Variants in TPO observed in about 807,000 individuals in gnomAD.
TPO encodes thyroid microsomal antigen.
In TPO, 78 loss-of-function variants were observed where a neutral mutation model predicts 96.9. That is an observed-to-expected ratio of 0.81 (90% confidence interval 0.67 to 0.97). The LOEUF (loss-of-function observed/expected upper bound fraction) is 0.97, where lower values mean the gene tolerates loss of function less well. TPO is among the 50% of genes least tolerant of loss of function. The pLI is 0.00. For synonymous variants in TPO, 547 were observed against 538.0 expected (o/e 1.02, Z -0.23); for missense variants, 1,252 against 1,274.8 (o/e 0.98, Z 0.27).
Position 1,540,525 on chromosome 2 carries a change from CGTGCT to C in TPO, c.2619-68_2619-64del, listed in dbSNP as rs1471810944. Reference sequence around the variant, plus strand: ...ACGGCTGCCTTGCCGTCGCTCGTGCCGTGCTCTCTACCCTCCACAGTCACGGTGCC... The same window carrying C: ...ACGGCTGCCTTGCCGTCGCTCGTGCCCTCTACCCTCCACAGTCACGGTGCC... On this transcript the variant is annotated intron_variant, in intron 15 of 16. Transcript: ENST00000329066. 6 of 1,603,966 alleles carry C rather than the reference CGTGCT, an allele frequency of 3.7e-6. No homozygotes were observed. The Admixed American group carries it at 8.3e-5, about 22-fold the overall frequency.
At chr2:1,542,152 C>A (rs1320678101) in intron 16 of TPO, 1 of 575,550 alleles carries the variant, frequency 1.7e-6, no homozygotes, top group African/African-American at 1.9e-5. Context: ...CGGCTTCTTC[C>A]TGAAGGACCC....
In TPO at chr2:1,534,144, TGCAACCTCCCAAATCCCCCCCAATGCGA is replaced by T. The variant is rs1379936653; in HGVS notation, c.2619-6430_2619-6403del. ...ACCTCCCCAAATCCCCCCAACTGTT[TGCAACCTCCCAAATCCCCCCCAATGCGA>T]GCAACCTCCCAAATCCCCCGTGTGC... On this transcript the variant is annotated intron_variant, in intron 15 of 16. Transcript: ENST00000329066. Among the ~76,000 whole-genome samples, 15 of 29,554 alleles carry T rather than the reference TGCAACCTCCCAAATCCCCCCCAATGCGA, an allele frequency of 5.1e-4. 1 individual carries two copies. The highest frequency in any genetic ancestry group is 9.2e-4 in the Non-Finnish European group (15 of 16,390). The allele number at this position is 29,554 out of a possible 152,430, so 19.4% of individuals were successfully genotyped here.
intron 7 of TPO, among the ~76,000 whole-genome samples, chr2:1,458,873 T>C (rs1668137883): frequency 6.6e-6 from 1 of 152,222 alleles, no homozygotes. Flanking sequence ...GAGCATGAGT[T>C]GCCTTCTGCT....
chr2:1,435,513 T>C (rs1012725438), intron 4 of TPO, among the ~76,000 whole-genome samples: 1 of 152,236 alleles, frequency 6.6e-6, no homozygotes, highest in Non-Finnish European at 1.5e-5. Flanking sequence ...TCAATTTCAC[T>C]GGTATCTTGT....
chr2:1,414,228 C>T (rs986542839), intron 1 of TPO, among the ~76,000 whole-genome samples, 180 bp from the exon 2 acceptor site: 1 of 152,150 alleles, frequency 6.6e-6, no homozygotes, highest in Non-Finnish European at 1.5e-5. Context: ...TTTCTGTAAC[C>T]TCCTGACATG....
At chr2:1,440,429 C>A (rs1006404613) in intron 5 of TPO, among the ~76,000 whole-genome samples, 1 of 152,206 alleles carries the variant, frequency 6.6e-6, no homozygotes, top group Admixed American at 6.5e-5. Flanking sequence ...GGACGTATCA[C>A]ATAAAATTAC....
chr2:1,442,475 A>G (rs191165119), intron 5 of TPO, among the ~76,000 whole-genome samples: 1 of 152,332 alleles, frequency 6.6e-6, no homozygotes, highest in East Asian at 1.9e-4. Context: ...AAATACAAAT[A>G]TATATTATAT....
At chr2:1,496,469 A>C (rs1028697835) in intron 12 of TPO, 126 bp from the exon 13 acceptor site, 18 of 1,383,580 alleles carry the variant, frequency 1.3e-5, no homozygotes, top group Admixed American at 1.9e-5. Flanking sequence ...GTGAGTGACC[A>C]CAGCAGGGCT....
chr2:1,448,114 ATTGGAGGCAGGGGCTGCTCC>A (rs1433573020), intron 5 of TPO, among the ~76,000 whole-genome samples: 2 of 152,142 alleles, frequency 1.3e-5, no homozygotes, highest in East Asian at 3.9e-4. Flanking sequence ...AGGAGCCGGG[ATTGGAGGCAGGGGCTGCTCC>A]TGCCTCCAGA....
At chr2:1,390,189 C>G (rs1661979690) in intron 1 of TPO, among the ~76,000 whole-genome samples, 1 of 152,024 alleles carries the variant, frequency 6.6e-6, no homozygotes, top group Non-Finnish European at 1.5e-5. Context: ...CTCTGACAGG[C>G]CCCGGTGTGC....
intron 5 of TPO, among the ~76,000 whole-genome samples, chr2:1,443,332 A>G (rs570737716): frequency 1.4e-3 from 215 of 150,454 alleles, no homozygotes; most frequent in Middle Eastern, 0.01. Flanking sequence ...TGACCCAGTC[A>G]TTGCTGCAGA....
intron 14 of TPO, 60 bp downstream of exon 14, chr2:1,504,139 A>G (rs991306190): frequency 4.4e-6 from 7 of 1,607,524 alleles, no homozygotes; most frequent in Non-Finnish European, 5.9e-6. Context: ...AAATGAAGAA[A>G]AGTGTGTTCA....
chr2:1,527,189 G>A (rs1676770480), intron 15 of TPO, among the ~76,000 whole-genome samples: 1 of 103,158 alleles, frequency 9.7e-6, no homozygotes, highest in Non-Finnish European at 1.8e-5. Flanking sequence ...CCCACTGTGT[G>A]CAACCGCCCC....
chr2:1,531,417 C>A (rs185948074), intron 15 of TPO, among the ~76,000 whole-genome samples: 1 of 35,034 alleles, frequency 2.9e-5, no homozygotes, highest in African/African-American at 4.5e-4. Context: ...TTCAACCTCC[C>A]CAAATCCCTC....
At chr2:1,475,387 G>GCCT (rs1484233006) in intron 7 of TPO, among the ~76,000 whole-genome samples, 1 of 151,110 alleles carries the variant, frequency 6.6e-6, no homozygotes, top group Admixed American at 6.6e-5. Flanking sequence ...AGCCTCGCAG[G>GCCT]CCTCCCTGAG....
At chr2:1,536,085 G>A (rs1317216525) in intron 15 of TPO, among the ~76,000 whole-genome samples, 1 of 25,708 alleles carries the variant, frequency 3.9e-5, no homozygotes, top group East Asian at 1.5e-3. Context: ...TCCCCCCACT[G>A]TGTGCAACCT....
intron 5 of TPO, among the ~76,000 whole-genome samples, chr2:1,450,995 T>A (rs1343882556): frequency 1.3e-5 from 2 of 152,174 alleles, no homozygotes; most frequent in Admixed American, 6.5e-5. Context: ...AATGAAGTAT[T>A]AATAACAGAA....
intron 11 of TPO, among the ~76,000 whole-genome samples, chr2:1,495,412 T>C (rs1672224124): frequency 6.6e-6 from 1 of 152,176 alleles, no homozygotes; most frequent in African/African-American, 2.4e-5. Flanking sequence ...TTTCTTCACA[T>C]TGCAATTTTT....
intron 14 of TPO, among the ~76,000 whole-genome samples, chr2:1,508,023 G>A (rs1273325558): frequency 1.3e-5 from 2 of 152,066 alleles, no homozygotes; most frequent in Non-Finnish European, 2.9e-5. Context: ...CTGTGGGTTT[G>A]TCATAGATAG....
Sources: allele counts gnomAD v4.1 joint callset (sites outside exome capture counted in the v4.1 genomes callset), GRCh38; gene constraint gnomAD v4.1.1; transcripts MANE v1.5; gene names NCBI Gene and HGNC (gene_info 2026-07-23, HGNC 2026-07-21).